Variants in SLC35D4 observed in about 807,000 individuals in gnomAD.
SLC35D4 encodes UDP-N-acetylglucosamine transporter SLC35D4.
chr18:23,253,684 T>C, the SLC35D4 span: 1 of 1,543,334 alleles, frequency 6.5e-7, no homozygotes, highest in Non-Finnish European at 8.9e-7. Flanking sequence ...CCACTGAAAC[T>C]CTAAGTTTTC....
the SLC35D4 span, among the ~76,000 whole-genome samples, chr18:23,400,905 C>A: frequency 1.3e-5 from 2 of 152,192 alleles, no homozygotes; most frequent in Non-Finnish European, 2.9e-5. Context: ...GGCCTTCAAT[C>A]CTTACTTGCT....
chr18:23,433,099 C>T, the SLC35D4 span, among the ~76,000 whole-genome samples: 2 of 149,452 alleles, frequency 1.3e-5, no homozygotes, highest in Non-Finnish European at 3.0e-5. Flanking sequence ...CTTGCTCTGT[C>T]ACCCAGGCTG....
At chr18:23,247,643 C>T in the SLC35D4 span, among the ~76,000 whole-genome samples, 1 of 152,252 alleles carries the variant, frequency 6.6e-6, no homozygotes, top group Non-Finnish European at 1.5e-5. Flanking sequence ...AACCAGTGTG[C>T]ACTGGGCCGC....
At chr18:23,402,872 C>T in the SLC35D4 span, among the ~76,000 whole-genome samples, 1 of 151,896 alleles carries the variant, frequency 6.6e-6, no homozygotes, top group East Asian at 1.9e-4. Context: ...TTTGGGAGGC[C>T]GAGATGGGCA....
At chr18:23,302,525 G>C in the SLC35D4 span, among the ~76,000 whole-genome samples, 1 of 152,270 alleles carries the variant, frequency 6.6e-6, no homozygotes, top group South Asian at 2.1e-4. Flanking sequence ...TAGTGCTTTG[G>C]GTGAGAAGCC....
chr18:23,252,072 T>G, the SLC35D4 span, among the ~76,000 whole-genome samples: 1 of 143,812 alleles, frequency 7.0e-6, no homozygotes, highest in African/African-American at 2.6e-5. Flanking sequence ...GGCAACAAAG[T>G]GAGACTCCGT....
chr18:23,364,985 A>T, the SLC35D4 span, among the ~76,000 whole-genome samples: 2 of 151,538 alleles, frequency 1.3e-5, no homozygotes, highest in Non-Finnish European at 2.9e-5. Flanking sequence ...TATGATACAA[A>T]CTTTAAAAAT....
chr18:23,411,079 G>A, the SLC35D4 span, among the ~76,000 whole-genome samples: 4 of 151,744 alleles, frequency 2.6e-5, no homozygotes, highest in African/African-American at 9.7e-5. Flanking sequence ...GTCCTGGTGG[G>A]ATCTCAGGTC....
At chr18:23,346,343 A>AGGCTGG in the SLC35D4 span, among the ~76,000 whole-genome samples, 1 of 152,142 alleles carries the variant, frequency 6.6e-6, no homozygotes, top group Admixed American at 6.5e-5. Flanking sequence ...TATGTTGCCC[A>AGGCTGG]GGCTGGTCTC....
At chr18:23,404,671 G>C in the SLC35D4 span, among the ~76,000 whole-genome samples, 7 of 143,300 alleles carry the variant, frequency 4.9e-5, no homozygotes, top group African/African-American at 1.8e-4. Context: ...CCTGGTGACA[G>C]AGCAAGACTC....
At chr18:23,274,858 G>A in the SLC35D4 span, among the ~76,000 whole-genome samples, 2 of 152,186 alleles carry the variant, frequency 1.3e-5, no homozygotes, top group Non-Finnish European at 1.5e-5. Context: ...CAGTCCCATC[G>A]CCTCAGGCCT....
At chr18:23,338,351 T>G in the SLC35D4 span, among the ~76,000 whole-genome samples, 1 of 152,086 alleles carries the variant, frequency 6.6e-6, no homozygotes, top group African/African-American at 2.4e-5. Context: ...AACAGTAAAT[T>G]CAGACCCAGG....
chr18:23,312,518 G>C, the SLC35D4 span, among the ~76,000 whole-genome samples: 42 of 152,190 alleles, frequency 2.8e-4, no homozygotes, highest in South Asian at 5.6e-3. Flanking sequence ...TGCTGCCTGA[G>C]ACCCTTTATC....
the SLC35D4 span, among the ~76,000 whole-genome samples, chr18:23,426,338 A>C: frequency 6.6e-6 from 1 of 152,204 alleles, no homozygotes; most frequent in Non-Finnish European, 1.5e-5. Context: ...GCTCCTTAAA[A>C]TATAAAGAAT....
chr18:23,369,622 T>A, the SLC35D4 span, among the ~76,000 whole-genome samples: 1 of 152,202 alleles, frequency 6.6e-6, no homozygotes, highest in Non-Finnish European at 1.5e-5. Context: ...ACATGTCATC[T>A]GAGAGGTGAC....
the SLC35D4 span, chr18:23,377,527 G>T: frequency 2.2e-6 from 2 of 919,098 alleles, no homozygotes; most frequent in Non-Finnish European, 3.2e-6. Flanking sequence ...ATATATGAAT[G>T]TTTATAATAA....
At chr18:23,286,563 C>T in the SLC35D4 span, among the ~76,000 whole-genome samples, 2 of 151,998 alleles carry the variant, frequency 1.3e-5, no homozygotes, top group Non-Finnish European at 2.9e-5. Flanking sequence ...CCCCGTAGAC[C>T]ATCACGGATG....
the SLC35D4 span, among the ~76,000 whole-genome samples, chr18:23,335,325 A>G: frequency 1.1e-4 from 17 of 152,172 alleles, no homozygotes; most frequent in Non-Finnish European, 2.5e-4. Flanking sequence ...TTCCCATAAA[A>G]AAGTCTACTC....
At chr18:23,413,246 C>G in the SLC35D4 span, among the ~76,000 whole-genome samples, 1 of 152,180 alleles carries the variant, frequency 6.6e-6, no homozygotes, top group Non-Finnish European at 1.5e-5. Context: ...CACTTCTTCC[C>G]ACTTCATGTT....
Sources: gnomAD v4.1 joint callset for allele counts (sites outside exome capture counted in the v4.1 genomes callset) on GRCh38, gnomAD v4.1.1 for gene constraint, MANE v1.5 for transcripts, NCBI Gene and HGNC (gene_info 2026-07-23, HGNC 2026-07-21) for gene names.